LPP: variants seen among roughly 807,000 people sequenced by gnomAD.
The protein encoded by LPP is lipoma-preferred partner.
LPP carries 38 observed loss-of-function variants against 60.4 expected under a neutral mutation model. The ratio of observed to expected loss-of-function variants is 0.63; its 90% confidence interval spans 0.49 to 0.83. LPP has a LOEUF of 0.83. LPP is among the 40% of genes least tolerant of loss of function. LPP has a pLI of 0.00. For missense variants in LPP, 902 were observed against 783.6 expected (o/e 1.15, Z -1.80); for synonymous variants, 328 against 290.8 (o/e 1.13, Z -1.30).
chr3:188,869,773 T>C (rs560536717), intron 10 of LPP, among the ~76,000 whole-genome samples: 1 of 152,326 alleles, frequency 6.6e-6, no homozygotes, highest in African/African-American at 2.4e-5. Flanking sequence ...ATACTGTTTT[T>C]GAGAACTTGT....
intron 7 of LPP, among the ~76,000 whole-genome samples, chr3:188,679,283 C>A: frequency 6.6e-6 from 1 of 152,190 alleles, no homozygotes; most frequent in East Asian, 1.9e-4. Flanking sequence ...GATAATAGCA[C>A]AGGTGTGGTT....
At chr3:188,674,037 T>A (rs1315944045) in intron 7 of LPP, among the ~76,000 whole-genome samples, 1 of 152,014 alleles carries the variant, frequency 6.6e-6, no homozygotes, top group Non-Finnish European at 1.5e-5. Flanking sequence ...CTTACTGTTG[T>A]TGGGCATGTC....
chr3:188,204,606 A>G (rs1228671845), intron 1 of LPP, among the ~76,000 whole-genome samples: 1 of 152,154 alleles, frequency 6.6e-6, no homozygotes, highest in Non-Finnish European at 1.5e-5. Flanking sequence ...TGTTCATACA[A>G]TATCTTAGTG....
chr3:188,294,948 C>T (rs1022852088), intron 2 of LPP, among the ~76,000 whole-genome samples: 13 of 152,162 alleles, frequency 8.5e-5, no homozygotes, highest in Non-Finnish European at 2.9e-5. Context: ...GCTGGCTTCT[C>T]ACAAAGGATT....
intron 1 of LPP, among the ~76,000 whole-genome samples, chr3:188,190,559 G>A (rs1419757247): frequency 6.6e-6 from 1 of 152,194 alleles, no homozygotes; most frequent in African/African-American, 2.4e-5. Context: ...CAAAGTCCAT[G>A]GTCTCATAAG....
intron 6 of LPP, among the ~76,000 whole-genome samples, chr3:188,527,342 C>T (rs1820893659): frequency 9.2e-6 from 1 of 108,994 alleles, no homozygotes; most frequent in African/African-American, 3.6e-5. Context: ...GAGGGAGACT[C>T]CATCTGAAAA....
intron 2 of LPP, among the ~76,000 whole-genome samples, chr3:188,239,668 A>G (rs796416129): frequency 6.6e-6 from 1 of 152,304 alleles, no homozygotes; most frequent in African/African-American, 2.4e-5. Context: ...GAAAGGCATT[A>G]TGGAGTCTCC....
At chr3:188,624,872 A>G (rs1006979095) in intron 7 of LPP, among the ~76,000 whole-genome samples, 1 of 148,488 alleles carries the variant, frequency 6.7e-6, no homozygotes, top group African/African-American at 2.5e-5. Context: ...TCTACAGATA[A>G]GATTGCAAAT....
At chr3:188,388,269 G>T (rs923387162) in intron 3 of LPP, among the ~76,000 whole-genome samples, 5 of 152,154 alleles carry the variant, frequency 3.3e-5, no homozygotes, top group African/African-American at 7.2e-5. Context: ...GAAACATAGA[G>T]GTTGTTAAGT....
intron 6 of LPP, among the ~76,000 whole-genome samples, chr3:188,567,495 G>GA (rs1315142553): frequency 4.7e-5 from 7 of 150,338 alleles, no homozygotes; most frequent in South Asian, 2.1e-4. Flanking sequence ...GGTTAGTAGG[G>GA]AAAAAAAAAG....
intron 3 of LPP, among the ~76,000 whole-genome samples, chr3:188,370,015 A>C (rs1168755141): frequency 2.6e-5 from 4 of 152,096 alleles, no homozygotes; most frequent in Non-Finnish European, 5.9e-5. Context: ...TGCAACCTCC[A>C]CCTTCCGGAT....
At chr3:188,167,203 A>G (rs1720220568) in intron 1 of LPP, among the ~76,000 whole-genome samples, 1 of 152,230 alleles carries the variant, frequency 6.6e-6, no homozygotes, top group African/African-American at 2.4e-5. Context: ...AAAGCCTCAA[A>G]GCCTGCCATG....
intron 1 of LPP, among the ~76,000 whole-genome samples, chr3:188,214,192 G>A (rs1294947782): frequency 1.3e-5 from 2 of 151,718 alleles, no homozygotes; most frequent in Non-Finnish European, 2.9e-5. Flanking sequence ...GTGCAATGGC[G>A]CGATCTCGGC....
chr3:188,504,457 T>G (rs1812869979), intron 5 of LPP, among the ~76,000 whole-genome samples: 1 of 152,182 alleles, frequency 6.6e-6, no homozygotes, highest in Admixed American at 6.5e-5. Flanking sequence ...TATATTTTTG[T>G]TTTGAATAGA....
intron 4 of LPP, among the ~76,000 whole-genome samples, chr3:188,452,611 C>G (rs1374844471): frequency 6.6e-6 from 1 of 152,050 alleles, no homozygotes; most frequent in African/African-American, 2.4e-5. Context: ...ACTTCCAGAC[C>G]TTTAGAACTT....
At chr3:188,411,835 T>C (rs940420117) in intron 4 of LPP, among the ~76,000 whole-genome samples, 2 of 152,164 alleles carry the variant, frequency 1.3e-5, no homozygotes, top group African/African-American at 4.8e-5. Flanking sequence ...TTTCCTACTG[T>C]ACTAATATAA....
At chr3:188,838,859 G>A (rs1261579832) in intron 9 of LPP, among the ~76,000 whole-genome samples, 8 of 152,114 alleles carry the variant, frequency 5.3e-5, no homozygotes, top group South Asian at 2.1e-4. Flanking sequence ...GGGGCCTGTC[G>A]TGGGGGTCGG....
intron 2 of LPP, among the ~76,000 whole-genome samples, chr3:188,329,111 G>A (rs750646227): frequency 1.3e-5 from 2 of 152,110 alleles, no homozygotes; most frequent in African/African-American, 2.4e-5. Flanking sequence ...GTGGACTCTT[G>A]AAAGGTCTAA....
At chr3:188,761,699 CATAAAG>C (rs1256932314) in intron 9 of LPP, among the ~76,000 whole-genome samples, 11 of 152,114 alleles carry the variant, frequency 7.2e-5, no homozygotes, top group African/African-American at 2.7e-4. Flanking sequence ...TTTTCCTAAA[CATAAAG>C]ATAAACAAAG....
Sources: allele counts gnomAD v4.1 joint callset (sites outside exome capture counted in the v4.1 genomes callset), GRCh38; gene constraint gnomAD v4.1.1; transcripts MANE v1.5; gene names NCBI Gene and HGNC (gene_info 2026-07-23, HGNC 2026-07-21).